The following TMEM131 variants were observed in gnomAD, a reference collection of about 807,000 sequenced individuals.
TMEM131 encodes 2610524E03Rik.
In TMEM131, 66 loss-of-function variants were observed where a neutral mutation model predicts 211.6. The observed-to-expected ratio is 0.31, with a 90% confidence interval of 0.26 to 0.38. TMEM131 has a LOEUF of 0.38. Among genes scored for constraint, TMEM131 ranks in the 10% least tolerant of loss-of-function variants. The pLI, the probability that TMEM131 is intolerant of heterozygous loss-of-function variation, is 1.00. For missense variants in TMEM131, 2,036 were observed against 2,299.3 expected (o/e 0.89, Z 2.34); for synonymous variants, 844 against 841.3 (o/e 1.00, Z -0.06).
At chr2:97,889,016 G>A (rs1439017771) in intron 3 of TMEM131, among the ~76,000 whole-genome samples, 2 of 152,054 alleles carry the variant, frequency 1.3e-5, no homozygotes, top group Non-Finnish European at 2.9e-5. Flanking sequence ...AGGAGTCAGA[G>A]GAAATATCCA....
intron 1 of TMEM131, among the ~76,000 whole-genome samples, chr2:97,968,800 C>T (rs1438056141): frequency 1.3e-5 from 2 of 152,020 alleles, no homozygotes; most frequent in African/African-American, 2.4e-5. Flanking sequence ...ATAAGGATAT[C>T]GGGCAGGCGC....
chr2:97,859,243 T>A (rs575968877), intron 5 of TMEM131, 61 bp downstream of exon 5: 1 of 1,507,014 alleles, frequency 6.6e-7, no homozygotes, highest in African/African-American at 1.4e-5. Context: ...TATTAATCAA[T>A]AAAAATCTAG....
chr2:97,842,086 T>C (rs1343598672), intron 6 of TMEM131, 149 bp from the exon 7 acceptor site: 1 of 746,966 alleles, frequency 1.3e-6, no homozygotes, highest in African/African-American at 1.8e-5. Context: ...CCCACAAATG[T>C]TGTTTCTGTA....
In TMEM131 at chr2:97,762,083, A is replaced by G. The variant is rs776218862; in HGVS notation, c.4841T>C (p.Phe1614Ser). 6 of 1,604,922 alleles carry G rather than the reference A, an allele frequency of 3.7e-6. 1 individual carries two copies. Among genetic ancestry groups the G allele is most frequent in the South Asian group, 3.3e-5 (3 of 89,764 alleles). The change falls in exon 36 of 41, where the codon TTT (phenylalanine) becomes TCT (serine). Residue 1614 changes from phenylalanine to serine, a missense_variant. Phe to Ser is a radical substitution (Grantham distance 155). Transcript: ENST00000186436. Reference sequence around the variant, plus strand: ...GCTGCTGTAGCTGCCCCGGGCCACAAAGGGGCAGGGGGCAGCTGGGGGAGA... The same window carrying G: ...GCTGCTGTAGCTGCCCCGGGCCACAGAGGGGCAGGGGGCAGCTGGGGGAGA... The part of the protein sequence containing the change: ...SPSPPAAPCP[F>S]VARGSYSSIV...
intron 1 of TMEM131, among the ~76,000 whole-genome samples, chr2:97,933,652 C>CA (rs890041876): frequency 2.2e-4 from 32 of 147,360 alleles, no homozygotes; most frequent in South Asian, 4.3e-4. Flanking sequence ...TTAACTTAGA[C>CA]AAAAAAAAAA....
intron 3 of TMEM131, among the ~76,000 whole-genome samples, chr2:97,891,564 A>G (rs1421895740): frequency 1.3e-5 from 2 of 152,216 alleles, no homozygotes; most frequent in African/African-American, 4.8e-5. Context: ...ATTTCAAGCT[A>G]GGAAACAACT....
At chr2:97,946,736 C>G (rs1024613573) in intron 1 of TMEM131, among the ~76,000 whole-genome samples, 1 of 151,880 alleles carries the variant, frequency 6.6e-6, no homozygotes, top group East Asian at 1.9e-4. Context: ...ACAAAGCCAG[C>G]ATCACTCTGA....
intron 5 of TMEM131, among the ~76,000 whole-genome samples, chr2:97,850,414 T>C (rs1179718680): frequency 6.6e-6 from 1 of 152,128 alleles, no homozygotes; most frequent in Non-Finnish European, 1.5e-5. Context: ...GTGGTCTGAA[T>C]ACATACCAGT....
At chr2:97,785,132 C>T (rs1213174537) in intron 31 of TMEM131, among the ~76,000 whole-genome samples, 1 of 152,032 alleles carries the variant, frequency 6.6e-6, no homozygotes, top group African/African-American at 2.4e-5. Flanking sequence ...TAACATCTTC[C>T]CCCCACTTTA....
chr2:97,917,256 C>A (rs375836024), intron 2 of TMEM131, among the ~76,000 whole-genome samples: 26 of 152,278 alleles, frequency 1.7e-4, no homozygotes, highest in African/African-American at 6.0e-4. Flanking sequence ...AGAGACCATT[C>A]GGGACACAAA....
intron 1 of TMEM131, among the ~76,000 whole-genome samples, chr2:97,983,183 T>A (rs1679873989): frequency 1.3e-5 from 2 of 152,186 alleles, no homozygotes; most frequent in Non-Finnish European, 1.5e-5. Flanking sequence ...TACTTTTGTT[T>A]TTTGTTATCA....
intron 1 of TMEM131, among the ~76,000 whole-genome samples, chr2:97,986,260 T>C (rs1165673921): frequency 6.6e-6 from 1 of 152,098 alleles, no homozygotes; most frequent in Admixed American, 6.5e-5. Context: ...ATGCATACAG[T>C]ATGGTTGAGA....
intron 29 of TMEM131, among the ~76,000 whole-genome samples, chr2:97,794,167 T>C (rs1680648520): frequency 2.0e-5 from 3 of 151,800 alleles, no homozygotes; most frequent in Admixed American, 2.0e-4. Context: ...CCCCAGTAGC[T>C]GGGATTATAG....
At chr2:97,921,362 A>G (rs1187126226) in intron 2 of TMEM131, among the ~76,000 whole-genome samples, 1 of 152,244 alleles carries the variant, frequency 6.6e-6, no homozygotes, top group African/African-American at 2.4e-5. Context: ...TCCAGACAGA[A>G]TTTGAGCTAA....
intron 5 of TMEM131, among the ~76,000 whole-genome samples, chr2:97,854,928 G>C (rs1573464337): frequency 6.6e-6 from 1 of 152,076 alleles, no homozygotes; most frequent in East Asian, 1.9e-4. Context: ...CGCCTTCCCT[G>C]TGCACACCTA....
intron 1 of TMEM131, among the ~76,000 whole-genome samples, chr2:97,966,613 T>C (rs2104586043): frequency 6.6e-6 from 1 of 152,256 alleles, no homozygotes; most frequent in East Asian, 1.9e-4. Flanking sequence ...CTGGTCCAAC[T>C]GAAAATAGCT....
rs1481731773 is a variant in TMEM131 at position 97,943,042 on chromosome 2, AAAGAAAGAAAGAAAGAAAG to A, written c.188-15574_188-15556del. ...AAAAGAAAAGAAAAGAAAAGAAAAGAAAGAAAGAAAGAAAGAAAGAAAGAAAGAAAGAAAGAAAGAAAGA... is the reference window on the plus strand; with the variant it reads ...AAAAGAAAAGAAAAGAAAAGAAAAGAAAAGAAAGAAAGAAAGAAAGAAAGA... On this transcript the variant is annotated intron_variant, in intron 1 of 40. Transcript: ENST00000186436. 1.0e-4 allele frequency among the ~76,000 whole-genome samples: 5 copies of A among 48,244 alleles called. No individual in the cohort carries two copies. In the Admixed American group the frequency reaches 1.1e-3, roughly 11 times the overall value. 31.6% of individuals were successfully genotyped at this position (48,244 alleles called of 152,430 possible).
intron 32 of TMEM131, among the ~76,000 whole-genome samples, chr2:97,774,813 G>C (rs1442566856): frequency 2.0e-5 from 3 of 152,192 alleles, no homozygotes; most frequent in Non-Finnish European, 4.4e-5. Context: ...CTGTTTCTCT[G>C]AAGTAATTTG....
intron 38 of TMEM131, 104 bp from the exon 39 acceptor site, chr2:97,759,853 G>T (rs1678726336): frequency 2.6e-6 from 2 of 778,358 alleles, no homozygotes; most frequent in Non-Finnish European, 4.4e-6. Flanking sequence ...TGCTTCAACT[G>T]GGGGTACTCA....
Sources: gnomAD v4.1 joint callset for allele counts (sites outside exome capture counted in the v4.1 genomes callset) on GRCh38, gnomAD v4.1.1 for gene constraint, MANE v1.5 for transcripts, NCBI Gene and HGNC (gene_info 2026-07-23, HGNC 2026-07-21) for gene names.